The following AGFG1 variants were observed in gnomAD, a reference collection of about 807,000 sequenced individuals.
AGFG1 encodes ArfGAP with FG repeats 1.
Under a neutral mutation model 60.6 loss-of-function variants are expected in AGFG1, and 10 were observed. The observed-to-expected ratio is 0.16, with a 90% CI of 0.10 to 0.28. The LOEUF is 0.28. Ranked by LOEUF, AGFG1 falls within the 10% of genes least tolerant of loss-of-function variation. The pLI is 1.00. For missense variants in AGFG1, 537 were observed against 676.5 expected, an observed-to-expected ratio of 0.79 and a Z score of 2.29; for synonymous variants, 247 against 242.9, an observed-to-expected ratio of 1.02 and a Z score of -0.16.
In AGFG1 at chr2:227,503,174, T is replaced by A. The variant is rs115739100; in HGVS notation, c.261+11534T>A. 2.9e-3 allele frequency among the ~76,000 whole-genome samples: 446 copies of A among 151,336 alleles called. 4 individuals are homozygous for A. The highest frequency in any genetic ancestry group is 0.01 in the African/African-American group (431 of 41,132). ...CCTGAGCTTTGGGGAGGTTTTAGGC[T>A]GCAGTGAGCTGTGATTGCACCACTG... On this transcript the variant is annotated intron_variant, in intron 2 of 12. Transcript: ENST00000310078.
chr2:227,534,735 C>A, intron 7 of AGFG1, 110 bp from the exon 8 acceptor site: 3 of 1,158,284 alleles, frequency 2.6e-6, no homozygotes, highest in South Asian at 1.5e-5. Context: ...TGGAATCCTG[C>A]TTAACTCTAA....
intron 2 of AGFG1, among the ~76,000 whole-genome samples, chr2:227,502,906 T>G (rs773988635): frequency 5.3e-5 from 8 of 152,170 alleles, no homozygotes; most frequent in Admixed American, 2.0e-4. Flanking sequence ...ACACTTTTCT[T>G]TCCTCGGTGT....
At chr2:227,531,353 C>A (rs1692152846) in intron 6 of AGFG1, 143 bp downstream of exon 6, 1 of 965,832 alleles carries the variant, frequency 1.0e-6, no homozygotes, top group South Asian at 1.9e-5. Context: ...TCTGGGGAAA[C>A]CTGAACTCTT....
At chr2:227,504,071 G>T (rs1185448343) in intron 2 of AGFG1, among the ~76,000 whole-genome samples, 2 of 152,060 alleles carry the variant, frequency 1.3e-5, no homozygotes, top group Non-Finnish European at 2.9e-5. Context: ...GAAGTAGATT[G>T]TGTTCAGTAG....
At chr2:227,523,742 A>T (rs193094174) in intron 3 of AGFG1, 21 bp from the exon 4 acceptor site, 6 of 1,579,914 alleles carry the variant, frequency 3.8e-6, no homozygotes, top group Admixed American at 1.8e-5. Context: ...TTTTTAGTTA[A>T]CTGTTTTTTA....
chr2:227,553,415 G>C (rs1380683533), intron 11 of AGFG1, among the ~76,000 whole-genome samples: 1 of 150,928 alleles, frequency 6.6e-6, no homozygotes, highest in African/African-American at 2.4e-5. Context: ...AGGATCACCT[G>C]AGCCCTGGAG....
intron 1 of AGFG1, among the ~76,000 whole-genome samples, chr2:227,486,672 T>A (rs1410034759): frequency 6.6e-6 from 1 of 152,236 alleles, no homozygotes; most frequent in Non-Finnish European, 1.5e-5. Flanking sequence ...TTTTCTGTTG[T>A]TCTGAAAAGA....
Position 227,556,481 on chromosome 2 carries a change from C to T in AGFG1, c.*1986C>T, listed in dbSNP as rs1189615898. On this transcript the variant is annotated 3_prime_UTR_variant, in exon 13 of 13. Transcript: ENST00000310078. ...TGTTGATGTAGACTTGAAATGTCTC[C>T]ACATTTTGGAGGACTTCCTCAGCCC... 1 of 152,572 alleles carries T rather than the reference C, an allele frequency of 6.6e-6. No homozygotes were observed. Among genetic ancestry groups the T allele is most frequent in the African/African-American group, 2.4e-5 (1 of 41,428 alleles). 9.5% of individuals were successfully genotyped at this position (152,572 alleles called of 1,614,324 possible). A position where few individuals can be genotyped will look rare whatever the true frequency, so the allele number is the denominator to read the frequency against.
chr2:227,490,502 C>T (rs906692780), intron 1 of AGFG1, among the ~76,000 whole-genome samples: 6 of 149,578 alleles, frequency 4.0e-5, no homozygotes, highest in African/African-American at 7.4e-5. Context: ...GGCGTGAACC[C>T]GGGAGGTGGA....
At chr2:227,549,455 A>C (rs1378862802) in intron 10 of AGFG1, among the ~76,000 whole-genome samples, 1 of 152,210 alleles carries the variant, frequency 6.6e-6, no homozygotes, top group Non-Finnish European at 1.5e-5. Flanking sequence ...GATCTGTACA[A>C]GATGCCTTTT....
chr2:227,504,831 A>C (rs1348102873), intron 2 of AGFG1, among the ~76,000 whole-genome samples: 2 of 151,570 alleles, frequency 1.3e-5, no homozygotes, highest in Non-Finnish European at 2.9e-5. Context: ...TTTTATTGAG[A>C]TCTCTTTATG....
At chr2:227,515,135 G>A (rs1691615401) in intron 2 of AGFG1, among the ~76,000 whole-genome samples, 1 of 152,036 alleles carries the variant, frequency 6.6e-6, no homozygotes, top group Admixed American at 6.6e-5. Flanking sequence ...TGCCCAGGCT[G>A]GTCTTGAATT....
intron 1 of AGFG1, among the ~76,000 whole-genome samples, chr2:227,476,231 A>G (rs1043486055): frequency 3.3e-5 from 5 of 152,226 alleles, no homozygotes; most frequent in Non-Finnish European, 5.9e-5. Context: ...GTTTGTCACT[A>G]TCTTTCACTG....
Position 227,524,781 on chromosome 2 carries a change from C to A in AGFG1, c.560C>A (p.Ser187Tyr). The A allele has an allele frequency of 3.7e-6, 6 of 1,614,146 alleles. No individual in the cohort carries two copies. The highest frequency in any genetic ancestry group is 4.2e-6 in the Non-Finnish European group (5 of 1,179,988). The change falls in exon 5 of 13, where the codon TCT becomes TAT. Residue 187 changes from serine to tyrosine, a missense_variant. By Grantham distance (144) the Ser-to-Tyr change is moderately radical. Around this residue, in one of 4 missense-constraint regions of AGFG1, gnomAD observed 102 missense variants for 82.9 expected, o/e 1.23. Transcript: ENST00000310078. ...TPSQSPVVGR[S>Y]QGQQQEKKQF... Reference sequence around the variant, plus strand: ...TTGTAGTCCCCAGTTGTAGGTCGTTCTCAAGGGCAGCAGCAGGAGAAGAAG... The same window carrying A: ...TTGTAGTCCCCAGTTGTAGGTCGTTATCAAGGGCAGCAGCAGGAGAAGAAG...
chr2:227,492,704 A>G (rs1296587003), intron 2 of AGFG1, among the ~76,000 whole-genome samples: 1 of 152,122 alleles, frequency 6.6e-6, no homozygotes, highest in Non-Finnish European at 1.5e-5. Flanking sequence ...TTTAAAGAAG[A>G]GAGCACATTT....
chr2:227,523,904 A>G lies in AGFG1; in HGVS notation c.519A>G (p.Leu173=), dbSNP rs1691898042. 9 of 1,613,586 alleles carry G rather than the reference A, an allele frequency of 5.6e-6. No individual in the cohort carries two copies. The highest frequency in any genetic ancestry group is 7.6e-6 in the Non-Finnish European group (9 of 1,179,770). The change falls in exon 4 of 13, where the codon TTA becomes TTG. Residue 173 remains leucine (L), a synonymous_variant. Transcript: ENST00000310078. ...GGGATTCTGCACCAACACTGCACTT[A>G]AATAAGGGCACACCTAGTCAGGTGA... ...LLGDSAPTLH[L]NKGTPSQSPV... is the part of the protein sequence containing the mutation.
intron 1 of AGFG1, among the ~76,000 whole-genome samples, chr2:227,488,263 A>G (rs1690698123): frequency 6.6e-6 from 1 of 152,170 alleles, no homozygotes; most frequent in Admixed American, 6.5e-5. Flanking sequence ...GCATTAATAT[A>G]CCCTGTGATA....
chr2:227,505,441 TC>T (rs1475369779), intron 2 of AGFG1, among the ~76,000 whole-genome samples: 1 of 152,204 alleles, frequency 6.6e-6, no homozygotes, highest in Non-Finnish European at 1.5e-5. Context: ...CTTCTGAGAT[TC>T]CAATTGCATG....
At chr2:227,491,911 T>G (rs1303577103) in intron 2 of AGFG1, among the ~76,000 whole-genome samples, 1 of 152,202 alleles carries the variant, frequency 6.6e-6, no homozygotes, top group African/African-American at 2.4e-5. Flanking sequence ...AGGACACCCA[T>G]TATTACAGTT....
Sources: allele counts gnomAD v4.1 joint callset (sites outside exome capture counted in the v4.1 genomes callset), GRCh38; gene constraint gnomAD v4.1.1; regional missense constraint gnomAD v4.1.1; transcripts MANE v1.5; gene names NCBI Gene and HGNC (gene_info 2026-07-23, HGNC 2026-07-21).